MBOAT2: variants seen among roughly 807,000 people sequenced by gnomAD.
MBOAT2 encodes membrane bound glycerophospholipid O-acyltransferase 2.
Under a neutral mutation model 63.4 loss-of-function variants are expected in MBOAT2, and 28 were observed. That is an observed-to-expected ratio of 0.44 (90% CI 0.33 to 0.61). MBOAT2 has a LOEUF of 0.61. MBOAT2 is among the 20% of genes least tolerant of loss of function. The pLI is 0.03. For missense variants in MBOAT2, 470 were observed against 605.8 expected, an observed-to-expected ratio of 0.78 and a Z score of 2.35; for synonymous variants, 211 against 215.6, an observed-to-expected ratio of 0.98 and a Z score of 0.19.
chr2:8,967,493 T>A (rs966932952), intron 1 of MBOAT2, among the ~76,000 whole-genome samples: 4 of 152,214 alleles, frequency 2.6e-5, no homozygotes, highest in African/African-American at 9.6e-5. Flanking sequence ...CTCGGAATCA[T>A]AAAGATGTTA....
chr2:8,900,199 G>T (rs2148573303), intron 4 of MBOAT2, among the ~76,000 whole-genome samples: 1 of 152,224 alleles, frequency 6.6e-6, no homozygotes, highest in East Asian at 1.9e-4. Context: ...CTGAGTTGAG[G>T]TCCCAGTGGA....
At chr2:8,922,782 G>C (rs1035462169) in intron 3 of MBOAT2, among the ~76,000 whole-genome samples, 1 of 152,204 alleles carries the variant, frequency 6.6e-6, no homozygotes, top group Non-Finnish European at 1.5e-5. Flanking sequence ...AGCCAGGGGT[G>C]TGTGGAGATC....
rs535672026 is a variant in MBOAT2, at chr2:8,897,309, C to T, written c.396-9236G>A. Among the ~76,000 whole-genome samples the T allele has an allele frequency of 2.0e-5, 3 of 150,390 alleles. No homozygotes were observed. The East Asian group carries it at 5.8e-4, about 29-fold the overall frequency. ...TCCTTTCTGCTGCCTCTGCCAGCTG[C>T]TTATGCTGCTGTTCTCCCCTCTCCT... On this transcript the variant is annotated intron_variant, in intron 4 of 12. Transcript: ENST00000305997.
At chr2:8,898,707 G>A (rs1265533833) in intron 4 of MBOAT2, among the ~76,000 whole-genome samples, 1 of 152,262 alleles carries the variant, frequency 6.6e-6, no homozygotes, top group Non-Finnish European at 1.5e-5. Flanking sequence ...CTGGGGGCAA[G>A]ACCGTCCACG....
intron 11 of MBOAT2, among the ~76,000 whole-genome samples, chr2:8,861,708 T>C (rs1010139010): frequency 2.6e-5 from 4 of 152,194 alleles, no homozygotes; most frequent in African/African-American, 4.8e-5. Flanking sequence ...GGGCCATCTC[T>C]AATTAACCCA....
intron 3 of MBOAT2, among the ~76,000 whole-genome samples, chr2:8,910,111 C>T (rs149414336): frequency 5.8e-4 from 88 of 152,192 alleles, no homozygotes; most frequent in African/African-American, 2.1e-3. Context: ...AGAAGTGTGA[C>T]CATCCTGAGA....
At chr2:8,942,347 C>T (rs1475993611) in intron 3 of MBOAT2, among the ~76,000 whole-genome samples, 2 of 152,232 alleles carry the variant, frequency 1.3e-5, no homozygotes, top group Non-Finnish European at 2.9e-5. Flanking sequence ...GGTCATACAT[C>T]ATAGCTCAGA....
chr2:8,860,833 A>G, intron 11 of MBOAT2, 69 bp from the exon 12 acceptor site: 4 of 1,227,742 alleles, frequency 3.3e-6, no homozygotes, highest in Non-Finnish European at 4.6e-6. Context: ...TACACTGGTG[A>G]TATCAACTGT....
At position 9,001,043 on chromosome 2, in the gene MBOAT2, G is replaced by C. The variant is rs542884093; in HGVS notation, c.75+2497C>G. Among the ~76,000 whole-genome samples the C allele has an allele frequency of 3.3e-4, 50 of 152,136 alleles. 1 individual carries two copies. In the South Asian group the frequency reaches 9.8e-3, roughly 30 times the overall value. On this transcript the variant is annotated intron_variant, in intron 1 of 12. Transcript: ENST00000305997. ...CTAGCCTAGGCCCACACAGGGTCAG[G>C]ATCATTAACATCACTGTCTTCCACC... is the stretch of plus-strand genomic sequence containing the variant.
At chr2:8,936,883 GCTTAA>G (rs1030037836) in intron 3 of MBOAT2, among the ~76,000 whole-genome samples, 1 of 151,654 alleles carries the variant, frequency 6.6e-6, no homozygotes, top group African/African-American at 2.4e-5. Context: ...AAAATTTTCA[GCTTAA>G]CTTCTCAAGG....
intron 1 of MBOAT2, among the ~76,000 whole-genome samples, chr2:8,995,471 C>A (rs1286215304): frequency 6.6e-6 from 1 of 152,134 alleles, no homozygotes; most frequent in African/African-American, 2.4e-5. Flanking sequence ...GAGTAGAGTA[C>A]ACAGTGAATT....
chr2:8,953,553 CCTT>C (rs1393709960), intron 2 of MBOAT2, among the ~76,000 whole-genome samples: 3 of 152,138 alleles, frequency 2.0e-5, no homozygotes, highest in African/African-American at 4.8e-5. Context: ...TGCTTTTTCT[CCTT>C]CTCTCTCAGG....
At chr2:8,933,495 C>T (rs1667459890) in intron 3 of MBOAT2, among the ~76,000 whole-genome samples, 1 of 152,094 alleles carries the variant, frequency 6.6e-6, no homozygotes, top group African/African-American at 2.4e-5. Flanking sequence ...AGGTATATCA[C>T]CAAATCTGGC....
At chr2:8,923,733 C>T (rs1046040276) in intron 3 of MBOAT2, among the ~76,000 whole-genome samples, 1 of 152,116 alleles carries the variant, frequency 6.6e-6, no homozygotes, top group Non-Finnish European at 1.5e-5. Context: ...CCATCAATTC[C>T]CACTGTTTTT....
At chr2:8,983,028 T>C (rs1261174360) in intron 1 of MBOAT2, among the ~76,000 whole-genome samples, 1 of 152,018 alleles carries the variant, frequency 6.6e-6, no homozygotes. Context: ...AATACAACTA[T>C]CCGCAGTCAG....
At chr2:8,999,203 T>C (rs1672519992) in intron 1 of MBOAT2, among the ~76,000 whole-genome samples, 1 of 152,236 alleles carries the variant, frequency 6.6e-6, no homozygotes, top group Non-Finnish European at 1.5e-5. Flanking sequence ...TCCCTAAACA[T>C]GGCTGTTCAA....
At chr2:8,873,672 A>AT (rs1158044599) in intron 7 of MBOAT2, among the ~76,000 whole-genome samples, 3 of 152,136 alleles carry the variant, frequency 2.0e-5, no homozygotes, top group Non-Finnish European at 4.4e-5. Flanking sequence ...GGATATATAT[A>AT]TTTTTTCCAT....
In MBOAT2 at chr2:8,862,310, C is replaced by G. The variant is rs1054783419; in HGVS notation, c.1185+280G>C. On this transcript the variant is annotated intron_variant, in intron 11 of 12. Coordinates refer to ENST00000305997, the MANE Select transcript of MBOAT2 (RefSeq NM_138799.4). This position sits in a 1 kb window ranked among gnomAD's most constrained non-coding sequence, Gnocchi z 4.3. ...TTTATTTAACTCAGTTTTTATCTCT[C>G]CTTCAGAAAATTCTGTAAAGACAAA... 7.3e-6 allele frequency: 10 copies of G among 1,361,462 alleles called. No homozygotes were observed. In the African/African-American group the frequency reaches 1.5e-4, roughly 20 times the overall value. The allele number at this position is 1,361,462 out of a possible 1,614,324, so 84.3% of individuals were successfully genotyped here. A position where few individuals can be genotyped will look rare whatever the true frequency, so the allele number is the denominator to read the frequency against.
chr2:8,964,376 T>C (rs140484271), intron 1 of MBOAT2, among the ~76,000 whole-genome samples: 50 of 152,122 alleles, frequency 3.3e-4, no homozygotes, highest in Middle Eastern at 3.4e-3. Flanking sequence ...CACATGGCTC[T>C]ACCTTATTTA....
Sources: gnomAD v4.1 joint callset for allele counts (sites outside exome capture counted in the v4.1 genomes callset) on GRCh38, gnomAD v4.1.1 for gene constraint, Gnocchi (gnomAD v3.1) non-coding constraint, MANE v1.5 for transcripts, NCBI Gene and HGNC (gene_info 2026-07-23, HGNC 2026-07-21) for gene names.